The following CDH13 variants were observed in gnomAD, a reference collection of about 807,000 sequenced individuals.
CDH13 encodes cadherin-13.
CDH13 carries 24 observed loss-of-function variants against 63.8 expected under a neutral mutation model. That is an observed-to-expected ratio of 0.38 (90% CI 0.27 to 0.53). CDH13 has a LOEUF of 0.53. CDH13 is among the 20% of genes least tolerant of loss of function. The probability of loss-of-function intolerance (pLI) is 0.85; values close to 1 mark genes in which losing one functional copy is unlikely to be tolerated. For missense variants in CDH13, 1,049 were observed against 903.1 expected (o/e 1.16, Z -2.07); for synonymous variants, 503 against 355.3 (o/e 1.42, Z -4.67).
At chr16:83,193,796 T>TA (rs1298492307) in intron 4 of CDH13, among the ~76,000 whole-genome samples, 2 of 152,158 alleles carry the variant, frequency 1.3e-5, no homozygotes, top group African/African-American at 2.4e-5. Flanking sequence ...TAACAGCTCT[T>TA]AAAAAAATCA....
In CDH13 at chr16:83,285,070, G is replaced by A. The variant is rs555617512; in HGVS notation, c.637-59792G>A. Reference sequence around the variant, plus strand: ...TCACTCATAATTTCTTTCTCCTTGGGTTTTTGTTTTATTTTGGAACGGCTT... The same window carrying A: ...TCACTCATAATTTCTTTCTCCTTGGATTTTTGTTTTATTTTGGAACGGCTT... On this transcript the variant is annotated intron_variant, in intron 5 of 13. Transcript: ENST00000567109. Among the ~76,000 whole-genome samples the A allele has an allele frequency of 5.5e-4, 83 of 152,110 alleles. 1 individual carries two copies. The highest frequency in any genetic ancestry group is 1.9e-3 in the African/African-American group (79 of 41,486).
chr16:83,179,736 T>G (rs8046602), intron 4 of CDH13, among the ~76,000 whole-genome samples: 6,439 of 152,092 alleles, frequency 0.042, 409 homozygotes, highest in African/African-American at 0.15. Context: ...TGAATTCGTC[T>G]CCCCAGATTT....
chr16:82,764,815 C>CTTTTT (rs567333858), intron 1 of CDH13, among the ~76,000 whole-genome samples: 3 of 135,282 alleles, frequency 2.2e-5, no homozygotes, highest in African/African-American at 5.4e-5. Flanking sequence ...TTCATTCATT[C>CTTTTT]TTTTTTTTTT....
intron 4 of CDH13, chr16:83,171,525 A>G (rs903937689): frequency 2.0e-6 from 3 of 1,534,042 alleles, no homozygotes; most frequent in East Asian, 2.4e-5. Flanking sequence ...TTTTCAGATG[A>G]AGATTTGGCA....
intron 2 of CDH13, among the ~76,000 whole-genome samples, chr16:82,914,306 T>C (rs1437696407): frequency 6.6e-6 from 1 of 152,120 alleles, no homozygotes; most frequent in Non-Finnish European, 1.5e-5. Context: ...TCCTATAAAC[T>C]ATCATAACCC....
chr16:83,347,632 A>T lies in CDH13; in HGVS notation c.781+2626A>T, dbSNP rs113020054. On this transcript the variant is annotated intron_variant, in intron 6 of 13. Coordinates refer to ENST00000567109, the MANE Select transcript of CDH13 (RefSeq NM_001257.5). ...CTGAGAGGTGGCTACCACTATCCCT[A>T]TCTTACAGATGAGAAAACTGAACAT... is the stretch of plus-strand genomic sequence containing the variant. Among the ~76,000 whole-genome samples the T allele has an allele frequency of 7.4e-3, 1,129 of 152,276 alleles. 7 individuals are homozygous for T. The highest frequency in any genetic ancestry group is 0.013 in the Non-Finnish European group (867 of 68,020).
intron 5 of CDH13, among the ~76,000 whole-genome samples, chr16:83,314,891 C>A (rs1051221922): frequency 2.0e-5 from 3 of 152,128 alleles, no homozygotes; most frequent in African/African-American, 7.2e-5. Context: ...TCAGTGGTTC[C>A]TGTGGGTTCT....
intron 10 of CDH13, among the ~76,000 whole-genome samples, chr16:83,698,615 G>A (rs1036300391): frequency 6.6e-6 from 1 of 152,228 alleles, no homozygotes; most frequent in Non-Finnish European, 1.5e-5. Context: ...CACACAGGCG[G>A]TATGAGGAGG....
chr16:82,808,559 A>G (rs1338076361), intron 1 of CDH13, among the ~76,000 whole-genome samples: 1 of 152,228 alleles, frequency 6.6e-6, no homozygotes, highest in Admixed American at 6.5e-5. Flanking sequence ...ACACAAGGAC[A>G]TCACCAAGAA....
chr16:82,935,533 G>C (rs2151301249), intron 2 of CDH13, among the ~76,000 whole-genome samples: 1 of 152,256 alleles, frequency 6.6e-6, no homozygotes, highest in Non-Finnish European at 1.5e-5. Flanking sequence ...TAGCATTGGG[G>C]TTTAAAGAAA....
chr16:83,492,776 G>C (rs893812312), intron 7 of CDH13, among the ~76,000 whole-genome samples: 7 of 152,226 alleles, frequency 4.6e-5, no homozygotes, highest in African/African-American at 1.7e-4. Context: ...GGAAGGCCAG[G>C]GTCTTTATCT....
At chr16:83,491,078 GA>G (rs1022164109) in intron 7 of CDH13, among the ~76,000 whole-genome samples, 3 of 152,194 alleles carry the variant, frequency 2.0e-5, no homozygotes, top group Non-Finnish European at 4.4e-5. Flanking sequence ...TTCTGGCATG[GA>G]TATATAAACA....
At chr16:83,437,219 G>C (rs2072332071) in intron 6 of CDH13, among the ~76,000 whole-genome samples, 1 of 152,068 alleles carries the variant, frequency 6.6e-6, no homozygotes, top group Non-Finnish European at 1.5e-5. Flanking sequence ...GTGACCTTGG[G>C]TGAGTTACTT....
intron 5 of CDH13, among the ~76,000 whole-genome samples, chr16:83,269,253 A>G (rs975610029): frequency 6.6e-6 from 1 of 152,196 alleles, no homozygotes; most frequent in African/African-American, 2.4e-5. Flanking sequence ...GTATCTTATG[A>G]GGCCCCTCCC....
chr16:83,299,652 C>T (rs971210891), intron 5 of CDH13, among the ~76,000 whole-genome samples: 1 of 152,214 alleles, frequency 6.6e-6, no homozygotes, highest in Non-Finnish European at 1.5e-5. Flanking sequence ...TTAACCTCCT[C>T]TCATTAAGGA....
At chr16:83,170,431 T>C (rs1231326777) in intron 4 of CDH13, among the ~76,000 whole-genome samples, 1 of 152,072 alleles carries the variant, frequency 6.6e-6, no homozygotes, top group South Asian at 2.1e-4. Flanking sequence ...GATGACAACA[T>C]AGGAGAAGCT....
intron 2 of CDH13, among the ~76,000 whole-genome samples, chr16:82,875,959 T>C (rs1037037533): frequency 6.6e-6 from 1 of 152,088 alleles, no homozygotes; most frequent in Non-Finnish European, 1.5e-5. Context: ...TGGTGGAAGG[T>C]AAAAAGCATG....
chr16:82,653,853 A>G (rs1236117089), intron 1 of CDH13, among the ~76,000 whole-genome samples: 1 of 152,224 alleles, frequency 6.6e-6, no homozygotes, highest in East Asian at 1.9e-4. Context: ...AGTTCCGGAG[A>G]AGAAGACTGA....
intron 3 of CDH13, among the ~76,000 whole-genome samples, chr16:83,053,527 T>C (rs568750962): frequency 9.2e-5 from 14 of 152,182 alleles, no homozygotes; most frequent in Admixed American, 6.5e-4. Context: ...AACACACCAA[T>C]TGAAAACAGA....
Sources: gnomAD v4.1 joint callset for allele counts (sites outside exome capture counted in the v4.1 genomes callset) on GRCh38, gnomAD v4.1.1 for gene constraint, MANE v1.5 for transcripts, NCBI Gene and HGNC (gene_info 2026-07-23, HGNC 2026-07-21) for gene names.